The following IL17RB variants were observed in gnomAD, a reference collection of about 807,000 sequenced individuals.
IL17RB encodes interleukin 17 receptor B.
In IL17RB, 36 loss-of-function variants were observed where a neutral mutation model predicts 43.9. The ratio of observed to expected loss-of-function variants is 0.82; its 90% confidence interval spans 0.63 to 1.08. The LOEUF is 1.08. IL17RB is among the 50% of genes least tolerant of loss of function. The pLI is 0.00. For missense variants in IL17RB, 613 were observed against 613.6 expected (o/e 1.00, Z 0.01); for synonymous variants, 225 against 225.4 (o/e 1.00, Z 0.02).
chr3:53,854,334 C>A (rs943403224), intron 5 of IL17RB, among the ~76,000 whole-genome samples: 6 of 152,226 alleles, frequency 3.9e-5, no homozygotes, highest in Non-Finnish European at 8.8e-5. Flanking sequence ...AACATTAGTA[C>A]GTGTCTGTTA....
At chr3:53,859,992 A>G in intron 9 of IL17RB, 138 bp from the exon 10 acceptor site, 1 of 620,704 alleles carries the variant, frequency 1.6e-6, no homozygotes, top group Non-Finnish European at 2.7e-6. Context: ...CCTAGGCAAC[A>G]AAGCGAGACT....
At chr3:53,853,390 G>T (rs1424205246) in intron 5 of IL17RB, among the ~76,000 whole-genome samples, 1 of 152,228 alleles carries the variant, frequency 6.6e-6, no homozygotes, top group Non-Finnish European at 1.5e-5. Flanking sequence ...CTAGAGCAAT[G>T]CACCTGAGCC....
At position 53,858,707 on chromosome 3, in the gene IL17RB, G is replaced by C. The variant is rs368034750; in HGVS notation, c.748-12G>C. 2.5e-6 allele frequency: 4 copies of C among 1,613,348 alleles called. No homozygotes were observed. The African/African-American group carries it at 5.3e-5, about 22-fold the overall frequency. On this transcript the variant is annotated splice_polypyrimidine_tract_variant and intron_variant, in intron 8 of 10. Transcript: ENST00000288167. ...ATGGTGTGAACTTTCTGAGCCTCTT[G>C]TTTTTCCTCAGCTGACTCCATATTT...
chr3:53,861,251 G>A (rs996825728), intron 10 of IL17RB: 1 of 152,066 alleles, frequency 6.6e-6, no homozygotes, highest in African/African-American at 2.4e-5. Flanking sequence ...TAGTAATGCT[G>A]GCAGTGCTCC....
At chr3:53,859,647 A>C (rs998323398) in intron 9 of IL17RB, 1 of 153,142 alleles carries the variant, frequency 6.5e-6, no homozygotes, top group Non-Finnish European at 1.5e-5. Flanking sequence ...GAACCAAAAA[A>C]ACTGGACAGA....
Position 53,865,301 on chromosome 3 carries a change from C to A in IL17RB, c.1502C>A (p.Ser501Tyr). The A allele has an allele frequency of 6.2e-7, 1 of 1,601,574 alleles. No individual in the cohort carries two copies. Among genetic ancestry groups the A allele is most frequent in the Middle Eastern group, 1.9e-4 (1 of 5,322 alleles). ...CAAGCCTGCCACGATGGCTGCTGCT[C>A]CTTGTAGCCCACCCATGAGAAGCAA... Reference protein sequence around the residue: ...RSQACHDGCCSL With the variant: ...RSQACHDGCCYL The change falls in exon 11 of 11, where the codon TCC (serine) becomes TAC (tyrosine). Residue 501 changes from serine to tyrosine, a missense_variant. Ser to Tyr is a moderately radical substitution (Grantham distance 144). Transcript: ENST00000288167.
chr3:53,858,210 A>T, intron 8 of IL17RB: 1 of 311,026 alleles, frequency 3.2e-6, no homozygotes, highest in Non-Finnish European at 4.8e-6. Context: ...GGACACAGCC[A>T]CTCCCCAAAG....
intron 5 of IL17RB, among the ~76,000 whole-genome samples, chr3:53,853,325 T>C (rs989375412): frequency 1.3e-5 from 2 of 152,252 alleles, no homozygotes; most frequent in Non-Finnish European, 2.9e-5. Flanking sequence ...GTTAAGTCAC[T>C]TTCCCTGGGT....
chr3:53,852,326 G>A (rs1233230182), intron 4 of IL17RB, among the ~76,000 whole-genome samples, 200 bp downstream of exon 4: 1 of 151,888 alleles, frequency 6.6e-6, no homozygotes, highest in African/African-American at 2.4e-5. Flanking sequence ...AGTTTTTGTA[G>A]AGGGGGGTTT....
At chr3:53,852,768 AGAGT>A (rs1699197349) in intron 4 of IL17RB, 99 bp from the exon 5 acceptor site, 4 of 1,107,286 alleles carry the variant, frequency 3.6e-6, no homozygotes, top group Admixed American at 2.3e-5. Context: ...AAGTTTTCAC[AGAGT>A]GAGTAATGAA....
At position 53,849,704 on chromosome 3, in the gene IL17RB, G is replaced by C; in HGVS notation, c.135G>C (p.Leu45Phe). The C allele has an allele frequency of 6.2e-7, 1 of 1,613,130 alleles. No homozygotes were observed. Among genetic ancestry groups the C allele is most frequent in the Non-Finnish European group, 8.5e-7 (1 of 1,179,580 alleles). Residue 45 changes from leucine to phenylalanine, a missense_variant, in exon 3 of 11, where the codon TTG becomes TTC. Leu to Phe is a conservative substitution (Grantham distance 22). Transcript: ENST00000288167. ...AACATGATCTAATCCCCGGAGACTTGAGGGACCTCCGAGTAGAACCTGTTA... is the reference window on the plus strand; with the variant it reads ...AACATGATCTAATCCCCGGAGACTTCAGGGACCTCCGAGTAGAACCTGTTA... ...MLQHDLIPGD[L>F]RDLRVEPVTT... is the part of the protein sequence containing the mutation.
Position 53,860,247 on chromosome 3 carries a change from T to C in IL17RB, c.946+19T>C, listed in dbSNP as rs765851336. 1 of 1,568,364 alleles carries C rather than the reference T, an allele frequency of 6.4e-7. No homozygotes were observed. The highest frequency in any genetic ancestry group is 8.7e-7 in the Non-Finnish European group (1 of 1,147,404). ...AGGCACGGTAAGGGTTATAATTCTT[T>C]AAAGACATCCTAGTAAGGAAATAAC... On this transcript the variant is annotated intron_variant, in intron 10 of 10. Coordinates refer to ENST00000288167, the MANE Select transcript of IL17RB (RefSeq NM_018725.4).
chr3:53,863,436 A>C (rs1312943717), intron 10 of IL17RB, among the ~76,000 whole-genome samples: 2 of 152,228 alleles, frequency 1.3e-5, no homozygotes, highest in Non-Finnish European at 1.5e-5. Flanking sequence ...GAAAGGAAAT[A>C]CAAATGCATC....
chr3:53,849,691 T>A lies in IL17RB; in HGVS notation c.122T>A (p.Ile41Asn). The A allele has an allele frequency of 6.2e-7, 1 of 1,612,870 alleles. No homozygotes were observed. The highest frequency in any genetic ancestry group is 8.5e-7 in the Non-Finnish European group (1 of 1,179,486). Residue 41 changes from isoleucine (I) to asparagine (N), a missense_variant, in exon 3 of 11, where the codon ATC (isoleucine) becomes AAC (asparagine). Coordinates refer to ENST00000288167, the MANE Select transcript of IL17RB (RefSeq NM_018725.4). The stretch of plus-strand genomic sequence containing the variant: ...GAGTGGATGCTACAACATGATCTAA[T>A]CCCCGGAGACTTGAGGGACCTCCGA... ...SPEWMLQHDL[I>N]PGDLRDLRVE... is the part of the protein sequence containing the mutation.
At chr3:53,860,082 T>G (rs766574308) in intron 9 of IL17RB, 48 bp from the exon 10 acceptor site, 8 of 1,209,546 alleles carry the variant, frequency 6.6e-6, no homozygotes, top group African/African-American at 3.0e-5. Flanking sequence ...AATTAAGAGA[T>G]AAGTGTGGAT....
At chr3:53,851,733 T>C (rs759245904) in intron 3 of IL17RB, among the ~76,000 whole-genome samples, 39 of 152,146 alleles carry the variant, frequency 2.6e-4, no homozygotes, top group Admixed American at 5.2e-4. Flanking sequence ...CAAGCTGACC[T>C]ATGAGGAGGA....
intron 10 of IL17RB, among the ~76,000 whole-genome samples, chr3:53,862,735 A>ATTAGTCAAGACTGCTTT (rs1699609584): frequency 6.6e-6 from 1 of 152,234 alleles, no homozygotes; most frequent in Admixed American, 6.5e-5. Flanking sequence ...CAGGTTTCTG[A>ATTAGTCAAGACTGCTTT]TTAGTCAAGA....
chr3:53,847,331 C>G (rs543769164), intron 1 of IL17RB, among the ~76,000 whole-genome samples: 3 of 152,270 alleles, frequency 2.0e-5, no homozygotes, highest in African/African-American at 7.2e-5. Context: ...TTCAGAAGCC[C>G]TCTTGGCTCT....
chr3:53,863,919 C>T (rs2107033262), intron 10 of IL17RB, among the ~76,000 whole-genome samples: 1 of 151,046 alleles, frequency 6.6e-6, no homozygotes, highest in East Asian at 2.0e-4. Flanking sequence ...GCCTCCTGAG[C>T]TCAAGTGAAC....
Sources: gnomAD v4.1 joint callset for allele counts (sites outside exome capture counted in the v4.1 genomes callset) on GRCh38, gnomAD v4.1.1 for gene constraint, MANE v1.5 for transcripts, NCBI Gene and HGNC (gene_info 2026-07-23, HGNC 2026-07-21) for gene names.